Variants in PLXDC2 observed in about 807,000 individuals in gnomAD.
The protein encoded by PLXDC2 is plexin domain-containing protein 2.
Under a neutral mutation model 68.9 loss-of-function variants are expected in PLXDC2, and 40 were observed. The ratio of observed to expected loss-of-function variants is 0.58; its 90% CI spans 0.45 to 0.76. PLXDC2 has a LOEUF of 0.76. PLXDC2 is among the 30% of genes least tolerant of loss of function. PLXDC2 has a pLI of 0.00. For missense variants in PLXDC2, 644 were observed against 661.9 expected, an observed-to-expected ratio of 0.97 and a Z score of 0.30; for synonymous variants, 243 against 234.2, an observed-to-expected ratio of 1.04 and a Z score of -0.34.
intron 1 of PLXDC2, among the ~76,000 whole-genome samples, chr10:19,885,319 T>C (rs1391543856): frequency 2.0e-5 from 3 of 150,284 alleles, no homozygotes; most frequent in African/African-American, 7.3e-5. Context: ...TTCACTCTGA[T>C]GGTAGTTTCT....
chr10:20,110,931 C>T (rs1386420220), intron 4 of PLXDC2, among the ~76,000 whole-genome samples: 1 of 152,210 alleles, frequency 6.6e-6, no homozygotes, highest in Non-Finnish European at 1.5e-5. Flanking sequence ...TCACCTCACA[C>T]TTGTACTACT....
intron 1 of PLXDC2, among the ~76,000 whole-genome samples, chr10:19,910,591 C>CTTTTTTTT (rs1006322581): frequency 1.1e-5 from 1 of 92,558 alleles, no homozygotes; most frequent in Non-Finnish European, 2.1e-5. Flanking sequence ...TAAGTGGTTG[C>CTTTTTTTT]TTTTTTTTTT....
chr10:20,047,006 G>A lies in PLXDC2; in HGVS notation c.462G>A (p.Arg154=). The A allele has an allele frequency of 6.3e-7, 1 of 1,596,154 alleles. No individual in the cohort carries two copies. The highest frequency in any genetic ancestry group is 1.1e-5 in the South Asian group (1 of 87,554). ...ATGGAATATTGTCCAATACTCATCGGCAAGCTGCAGTAAGTGTTTGGACAT... is the reference window on the plus strand; with the variant it reads ...ATGGAATATTGTCCAATACTCATCGACAAGCTGCAGTAAGTGTTTGGACAT... ...KIHGILSNTH[R]QAARVNLSFD... is the part of the protein sequence containing the mutation. The change falls in exon 3 of 14, where the codon CGG becomes CGA. Residue 154 remains arginine (R), a synonymous_variant. Coordinates refer to ENST00000377252, the MANE Select transcript of PLXDC2 (RefSeq NM_032812.9).
intron 1 of PLXDC2, among the ~76,000 whole-genome samples, chr10:19,919,440 A>T (rs945014820): frequency 3.3e-5 from 5 of 152,248 alleles, no homozygotes; most frequent in African/African-American, 1.2e-4. Context: ...TGCTGTAAAA[A>T]TATCTGCAGC....
chr10:20,030,096 GAAA>G (rs1477172496), intron 2 of PLXDC2, among the ~76,000 whole-genome samples: 12 of 152,128 alleles, frequency 7.9e-5, no homozygotes, highest in African/African-American at 2.9e-4. Context: ...AGAGTATTAT[GAAA>G]TAATGTCTCA....
intron 1 of PLXDC2, among the ~76,000 whole-genome samples, chr10:19,920,616 C>T (rs910213782): frequency 3.9e-5 from 6 of 152,202 alleles, no homozygotes; most frequent in Non-Finnish European, 7.3e-5. Context: ...ACTCCATTCC[C>T]CCTTTTGGCT....
intron 1 of PLXDC2, among the ~76,000 whole-genome samples, chr10:19,970,064 T>G (rs11011707): frequency 0.18 from 27,137 of 152,174 alleles, 2,750 homozygotes; most frequent in South Asian, 0.27. Context: ...CCTACGTTCT[T>G]GAACTTGCCT....
intron 2 of PLXDC2, among the ~76,000 whole-genome samples, chr10:20,005,576 T>C (rs548243146): frequency 1.6e-4 from 25 of 152,244 alleles, no homozygotes; most frequent in African/African-American, 5.5e-4. Flanking sequence ...CTCCAGCATC[T>C]GCTTGGCTTC....
chr10:20,091,062 C>A (rs927497233), intron 4 of PLXDC2, among the ~76,000 whole-genome samples: 19 of 152,276 alleles, frequency 1.2e-4, no homozygotes, highest in Admixed American at 3.3e-4. Flanking sequence ...CCAGCCCCCC[C>A]ACACCCCGGT....
intron 12 of PLXDC2, among the ~76,000 whole-genome samples, chr10:20,239,656 T>C (rs1163245455): frequency 6.6e-6 from 1 of 152,144 alleles, no homozygotes; most frequent in East Asian, 1.9e-4. Flanking sequence ...AGAAGAGATT[T>C]GGGTGGGGAC....
chr10:19,965,710 G>GT (rs5783709), intron 1 of PLXDC2, among the ~76,000 whole-genome samples: 16,759 of 110,796 alleles, frequency 0.15, 1,154 homozygotes, highest in East Asian at 0.36. Context: ...CTGGAAAACA[G>GT]TTTTTTTTGG....
intron 4 of PLXDC2, among the ~76,000 whole-genome samples, chr10:20,094,131 T>C (rs1368311782): frequency 3.3e-5 from 5 of 152,210 alleles, no homozygotes; most frequent in Non-Finnish European, 7.3e-5. Flanking sequence ...TATTTTGCCA[T>C]GTATTAAATC....
chr10:19,892,851 G>T (rs534415869), intron 1 of PLXDC2, among the ~76,000 whole-genome samples: 5 of 151,552 alleles, frequency 3.3e-5, no homozygotes, highest in Admixed American at 1.3e-4. Context: ...TTAGTATACA[G>T]TACGAGCTAA....
chr10:20,027,310 C>A (rs1564661402), intron 2 of PLXDC2, among the ~76,000 whole-genome samples: 2 of 151,976 alleles, frequency 1.3e-5, no homozygotes, highest in African/African-American at 2.4e-5. Context: ...AAGGCCTCTG[C>A]CCTCATAAAT....
At chr10:19,902,070 A>G (rs1448435661) in intron 1 of PLXDC2, among the ~76,000 whole-genome samples, 2 of 152,126 alleles carry the variant, frequency 1.3e-5, no homozygotes, top group African/African-American at 4.8e-5. Context: ...TTGGGAGACT[A>G]TGGCCTTATA....
chr10:20,217,596 C>CTTTTTTTTTT lies in PLXDC2; in HGVS notation c.1273+39_1273+48dup. ...CAGAAGGTACCCAAGAGATAGTTTGCTTTTTTTTTTTTTTTTTTTTTTTTT... is the reference window on the plus strand; with the variant it reads ...CAGAAGGTACCCAAGAGATAGTTTGCTTTTTTTTTTTTTTTTTTTTTTTTTTTTTTTTTTT... On this transcript the variant is annotated intron_variant, in intron 11 of 13. Coordinates refer to ENST00000377252, the MANE Select transcript of PLXDC2 (RefSeq NM_032812.9). 2.4e-5 allele frequency: 19 copies of CTTTTTTTTTT among 783,770 alleles called. No individual in the cohort carries two copies. Among genetic ancestry groups the CTTTTTTTTTT allele is most frequent in the Admixed American group, 9.1e-5 (1 of 11,026 alleles). 48.6% of individuals were successfully genotyped at this position (783,770 alleles called of 1,614,324 possible).
chr10:20,160,788 G>A (rs1294712410), intron 6 of PLXDC2, among the ~76,000 whole-genome samples: 1 of 152,130 alleles, frequency 6.6e-6, no homozygotes, highest in African/African-American at 2.4e-5. Flanking sequence ...TTTTCTACTG[G>A]AACATTCCAA....
chr10:19,889,927 A>G (rs537476028), intron 1 of PLXDC2, among the ~76,000 whole-genome samples: 17 of 152,340 alleles, frequency 1.1e-4, no homozygotes, highest in Non-Finnish European at 2.1e-4. Context: ...ATTAGCCTGG[A>G]TGTTACAGAG....
chr10:19,932,933 G>C (rs1467061360), intron 1 of PLXDC2, among the ~76,000 whole-genome samples: 4 of 152,192 alleles, frequency 2.6e-5, no homozygotes, highest in Non-Finnish European at 5.9e-5. Context: ...GGCATGTTCA[G>C]TTACCTTTTG....
Sources: allele counts gnomAD v4.1 joint callset (sites outside exome capture counted in the v4.1 genomes callset), GRCh38; gene constraint gnomAD v4.1.1; transcripts MANE v1.5; gene names NCBI Gene and HGNC (gene_info 2026-07-23, HGNC 2026-07-21).